The following PFKP variants were observed in gnomAD, a reference collection of about 807,000 sequenced individuals.
PFKP encodes phosphofructokinase, platelet.
Under a neutral mutation model 94.3 loss-of-function variants are expected in PFKP, and 101 were observed. The observed-to-expected ratio is 1.07, with a 90% confidence interval of 0.91 to 1.26. PFKP has a LOEUF of 1.26. Ranked by LOEUF, PFKP falls within the 50% of genes most tolerant of loss-of-function variation. PFKP has a pLI of 0.00. For missense variants in PFKP, 1,145 were observed against 1,103.3 expected (o/e 1.04, Z -0.53); for synonymous variants, 573 against 432.6 (o/e 1.32, Z -4.03).
At chr10:3,069,439 C>T in intron 1 of PFKP, 2 of 1,516,382 alleles carry the variant, frequency 1.3e-6, no homozygotes, top group Non-Finnish European at 1.8e-6. Context: ...AGTGGCTTCT[C>T]AGTCAAAGGC....
chr10:3,110,527 TTTCAGAG>T (rs1836091768), intron 10 of PFKP, among the ~76,000 whole-genome samples: 3 of 152,230 alleles, frequency 2.0e-5, no homozygotes, highest in Middle Eastern at 6.8e-3. Flanking sequence ...TTGTTTTATT[TTTCAGAG>T]TTCATTCATG....
In PFKP at chr10:3,113,114, T is replaced by A; in HGVS notation, c.1155-5T>A. 1 of 1,612,082 alleles carries A rather than the reference T, an allele frequency of 6.2e-7. No individual in the cohort carries two copies. Among genetic ancestry groups the A allele is most frequent in the Non-Finnish European group, 8.5e-7 (1 of 1,179,152 alleles). ...CTCCGGTCCAACGACACCCTTTTCC[T>A]TTAGGAGCTTTGCGGGCAACCTGAA... is the stretch of plus-strand genomic sequence containing the variant. On this transcript the variant is annotated splice_polypyrimidine_tract_variant and splice_region_variant and intron_variant, in intron 11 of 21. Coordinates refer to ENST00000381125, the MANE Select transcript of PFKP (RefSeq NM_002627.5).
At chr10:3,110,650 C>T (rs1019394225) in intron 10 of PFKP, among the ~76,000 whole-genome samples, 2 of 152,030 alleles carry the variant, frequency 1.3e-5, no homozygotes, top group African/African-American at 4.8e-5. Context: ...TTTCCAAAAG[C>T]CCAAGGGAGA....
intron 16 of PFKP, among the ~76,000 whole-genome samples, chr10:3,127,329 C>G (rs1472295845): frequency 6.6e-6 from 1 of 152,246 alleles, no homozygotes; most frequent in Non-Finnish European, 1.5e-5. Context: ...CCTGGCGGGA[C>G]CAGAACTCAG....
At chr10:3,086,025 T>G (rs1002027367) in intron 2 of PFKP, among the ~76,000 whole-genome samples, 3 of 152,052 alleles carry the variant, frequency 2.0e-5, no homozygotes, top group Non-Finnish European at 4.4e-5. Flanking sequence ...CCTTGGACTT[T>G]GGGAGACAGT....
intron 1 of PFKP, among the ~76,000 whole-genome samples, chr10:3,078,666 A>T (rs1554757906): frequency 6.6e-6 from 1 of 152,200 alleles, no homozygotes; most frequent in Non-Finnish European, 1.5e-5. Context: ...CCGCTTACTA[A>T]TGTTGTTACC....
rs762994838 is a variant in PFKP at position 3,082,383 on chromosome 10, T to A, written c.113-5T>A. The A allele has an allele frequency of 6.2e-7, 1 of 1,603,874 alleles. No individual in the cohort carries two copies. The highest frequency in any genetic ancestry group is 1.7e-5 in the Admixed American group (1 of 59,432). On this transcript the variant is annotated splice_region_variant and splice_polypyrimidine_tract_variant and intron_variant, in intron 1 of 21. Transcript: ENST00000381125. ...CAGTGACTCTTGCTCCTGTTTCCAC[T>A]GCAGGTATGAACGCTGCCGTCCGTG...
intron 8 of PFKP, 117 bp from the exon 9 acceptor site, chr10:3,108,584 C>A: frequency 2.8e-6 from 2 of 705,722 alleles, no homozygotes; most frequent in Admixed American, 2.4e-5. Context: ...ATAACTTTTC[C>A]CATTTAGATC....
chr10:3,135,491 C>G (rs1042285765), intron 20 of PFKP, among the ~76,000 whole-genome samples: 3 of 152,212 alleles, frequency 2.0e-5, no homozygotes, highest in Non-Finnish European at 4.4e-5. Flanking sequence ...GTGAAAAATT[C>G]TCTCCACTGG....
At chr10:3,116,688 T>TTG in intron 13 of PFKP, 88 bp from the exon 14 acceptor site, 1 of 967,006 alleles carries the variant, frequency 1.0e-6, no homozygotes. Flanking sequence ...ATGCAGCTTG[T>TTG]TGAAAAGTAC....
At chr10:3,098,672 C>CAAAAAAAAAAAAAAAA (rs5782682) in intron 2 of PFKP, among the ~76,000 whole-genome samples, 11 of 107,186 alleles carry the variant, frequency 1.0e-4, no homozygotes, top group African/African-American at 3.3e-4. Context: ...GACTCCGTCT[C>CAAAAAAAAAAAAAAAA]AAAAAAAAAA....
intron 10 of PFKP, among the ~76,000 whole-genome samples, chr10:3,111,010 A>G (rs1836171822): frequency 6.8e-6 from 1 of 147,988 alleles, no homozygotes; most frequent in Non-Finnish European, 1.5e-5. Flanking sequence ...GTGAGGTAGT[A>G]TGTTTCTGCA....
intron 8 of PFKP, chr10:3,108,116 A>G: frequency 1.1e-6 from 1 of 877,886 alleles, no homozygotes; most frequent in Admixed American, 2.8e-5. Flanking sequence ...CAAAGATTTT[A>G]TTTCCCGCTT....
chr10:3,111,685 A>C (rs1251831478), intron 10 of PFKP, among the ~76,000 whole-genome samples: 1 of 152,114 alleles, frequency 6.6e-6, no homozygotes, highest in African/African-American at 2.4e-5. Context: ...AAAGAACTTG[A>C]CCAAGATCCT....
Position 3,068,742 on chromosome 10 carries a change from G to A in PFKP, c.112+1035G>A, listed in dbSNP as rs1040326803. 25 of 978,284 alleles carry A rather than the reference G, an allele frequency of 2.6e-5. No homozygotes were observed. The highest frequency in any genetic ancestry group is 3.0e-5 in the Non-Finnish European group (25 of 823,540). 60.6% of individuals were successfully genotyped at this position (978,284 alleles called of 1,614,324 possible). A position where few individuals can be genotyped will look rare whatever the true frequency, so the allele number is the denominator to read the frequency against. On this transcript the variant is annotated intron_variant, in intron 1 of 21. Coordinates refer to ENST00000381125, the MANE Select transcript of PFKP (RefSeq NM_002627.5). ...GTCCCGATCCGTGCAATCCCTGGCG[G>A]GTAGATCGGCGCTTCCCAGGCGAAC...
chr10:3,129,569 C>T (rs988245016), intron 16 of PFKP: 2 of 498,882 alleles, frequency 4.0e-6, no homozygotes, highest in East Asian at 3.7e-5. Context: ...CGGCAGATGG[C>T]CAGGCCCCCA....
chr10:3,135,179 T>C (rs1839096360), intron 20 of PFKP, among the ~76,000 whole-genome samples: 1 of 152,150 alleles, frequency 6.6e-6, no homozygotes, highest in South Asian at 2.1e-4. Context: ...TGTGCCAGCA[T>C]CTTTCTCACC....
chr10:3,136,640 G>C lies in PFKP; in HGVS notation c.*61G>C. Reference sequence around the variant, plus strand: ...GACTGTCTGTTTTTGTAACACTTAAGTTATTTTATCAGCACTTTATGCACG... The same window carrying C: ...GACTGTCTGTTTTTGTAACACTTAACTTATTTTATCAGCACTTTATGCACG... On this transcript the variant is annotated 3_prime_UTR_variant, in exon 22 of 22. Coordinates refer to ENST00000381125, the MANE Select transcript of PFKP (RefSeq NM_002627.5). The C allele has an allele frequency of 1.3e-6, 2 of 1,569,258 alleles. No homozygotes were observed. Among genetic ancestry groups the C allele is most frequent in the Non-Finnish European group, 1.7e-6 (2 of 1,147,618 alleles).
chr10:3,127,675 G>C (rs141294827), intron 16 of PFKP, among the ~76,000 whole-genome samples: 1 of 152,296 alleles, frequency 6.6e-6, no homozygotes, highest in Non-Finnish European at 1.5e-5. Context: ...GCAGTTGTGG[G>C]CTCTTTGGAC....
Sources: gnomAD v4.1 joint callset for allele counts (sites outside exome capture counted in the v4.1 genomes callset) on GRCh38, gnomAD v4.1.1 for gene constraint, MANE v1.5 for transcripts, NCBI Gene and HGNC (gene_info 2026-07-23, HGNC 2026-07-21) for gene names.